Variants in MDFIC2 observed in about 807,000 individuals in gnomAD.
MDFIC2 encodes MyoD family inhibitor domain containing 2, also known as myoD family inhibitor domain-containing protein 2.
intron 1 of MDFIC2, among the ~76,000 whole-genome samples, 153 bp downstream of exon 1, chr3:70,312,398 G>T (rs1702461523): frequency 6.6e-6 from 1 of 152,174 alleles, no homozygotes; most frequent in Non-Finnish European, 1.5e-5. Context: ...GAATTTATTG[G>T]GTGGGAATAA....
chr3:70,308,030 G>GCAGCT (rs1431922948), intron 2 of MDFIC2, among the ~76,000 whole-genome samples: 2 of 152,052 alleles, frequency 1.3e-5, no homozygotes, highest in Admixed American at 1.3e-4. Flanking sequence ...TTTGCATAAT[G>GCAGCT]CAGCTCATCC....
In MDFIC2 at chr3:70,237,076, G is replaced by A. The variant is rs201308662; in HGVS notation, c.89-30286C>T. On this transcript the variant is annotated intron_variant, in intron 2 of 3. Coordinates refer to ENST00000567252, the MANE Select transcript of MDFIC2 (RefSeq NM_001364677.1). Reference sequence around the variant, plus strand: ...CTCTTTGACAAATTTATTTGGTTCCGTATTATCAGTTTGGGATAAAGCTTT... The same window carrying A: ...CTCTTTGACAAATTTATTTGGTTCCATATTATCAGTTTGGGATAAAGCTTT... 8.0e-3 allele frequency among the ~76,000 whole-genome samples: 277 copies of A among 34,482 alleles called. 1 individual carries two copies. Among genetic ancestry groups the A allele is most frequent in the African/African-American group, 0.032 (269 of 8,348 alleles). The allele number at this position is 34,482 out of a possible 152,430, so 22.6% of individuals were successfully genotyped here.
At chr3:70,284,098 A>G (rs1702116702) in intron 2 of MDFIC2, among the ~76,000 whole-genome samples, 1 of 152,112 alleles carries the variant, frequency 6.6e-6, no homozygotes, top group Non-Finnish European at 1.5e-5. Flanking sequence ...GGTTTTCATG[A>G]GTGCAACTCT....
At chr3:70,280,552 G>C (rs542001778) in intron 2 of MDFIC2, among the ~76,000 whole-genome samples, 26 of 152,266 alleles carry the variant, frequency 1.7e-4, no homozygotes, top group Admixed American at 5.9e-4. Flanking sequence ...TGTATTGAAT[G>C]TTGGGACTCA....
At chr3:70,255,545 G>C in intron 2 of MDFIC2, among the ~76,000 whole-genome samples, 1 of 152,080 alleles carries the variant, frequency 6.6e-6, no homozygotes, top group East Asian at 1.9e-4. Context: ...CCTCAGTCCT[G>C]CAGCCTCAGT....
At chr3:70,231,345 A>C (rs779770847) in intron 2 of MDFIC2, among the ~76,000 whole-genome samples, 73 of 152,162 alleles carry the variant, frequency 4.8e-4, no homozygotes, top group Non-Finnish European at 8.7e-4. Flanking sequence ...GCAGCCCGCC[A>C]TCTCTCTCTG....
At chr3:70,275,141 A>G (rs1392430388) in intron 2 of MDFIC2, among the ~76,000 whole-genome samples, 1 of 152,192 alleles carries the variant, frequency 6.6e-6, no homozygotes, top group African/African-American at 2.4e-5. Flanking sequence ...AGTTATTTAA[A>G]TATTAGAATT....
In MDFIC2 at chr3:70,196,734, G is replaced by C. The variant is rs373822964; in HGVS notation, c.*192C>G. ...AATCTTATTTTTCAGTGAGCCATGC[G>C]GTTGTGAAATTTGGAATAAGACCAT... On this transcript the variant is annotated 3_prime_UTR_variant, in exon 4 of 4. Coordinates refer to ENST00000567252, the MANE Select transcript of MDFIC2 (RefSeq NM_001364677.1). Among the ~76,000 whole-genome samples, 1 of 152,126 alleles carries C rather than the reference G, an allele frequency of 6.6e-6. No homozygotes were observed. The highest frequency in any genetic ancestry group is 1.9e-4 in the East Asian group (1 of 5,192).
intron 2 of MDFIC2, among the ~76,000 whole-genome samples, chr3:70,283,402 C>T (rs13078703): frequency 0.061 from 9,245 of 152,040 alleles, 364 homozygotes; most frequent in East Asian, 0.16. Flanking sequence ...TTCAGGCTGA[C>T]GAATACTGAA....
chr3:70,224,958 C>T (rs1229738279), intron 2 of MDFIC2, among the ~76,000 whole-genome samples: 1 of 152,078 alleles, frequency 6.6e-6, no homozygotes, highest in Non-Finnish European at 1.5e-5. Flanking sequence ...TGACTAAATA[C>T]AAGGTTTTCA....
In MDFIC2 at chr3:70,196,900, T is replaced by G. The variant is rs1444563422; in HGVS notation, c.*26A>C. The stretch of plus-strand genomic sequence containing the variant: ...AATTTCCCACCGTGGCCAAAAGGAC[T>G]GCCGGAATGTGGTTACTTCACTGTG... On this transcript the variant is annotated 3_prime_UTR_variant, in exon 4 of 4. Coordinates refer to ENST00000567252, the MANE Select transcript of MDFIC2 (RefSeq NM_001364677.1). 2.5e-6 allele frequency: 1 copy of G among 398,396 alleles called. No individual in the cohort carries two copies. Among genetic ancestry groups the G allele is most frequent in the South Asian group, 1.3e-4 (1 of 7,850 alleles). 24.7% of individuals were successfully genotyped at this position (398,396 alleles called of 1,614,324 possible).
chr3:70,290,296 C>T (rs1431087914), intron 2 of MDFIC2, among the ~76,000 whole-genome samples: 1 of 152,140 alleles, frequency 6.6e-6, no homozygotes, highest in Non-Finnish European at 1.5e-5. Flanking sequence ...CTCTGAGCTG[C>T]AGGTCTGTTG....
At position 70,268,422 on chromosome 3, in the gene MDFIC2, C is replaced by G. The variant is rs781722323; in HGVS notation, c.88+43464G>C. 2.7e-4 allele frequency among the ~76,000 whole-genome samples: 38 copies of G among 138,440 alleles called. 1 individual carries two copies. The highest frequency in any genetic ancestry group is 3.0e-4 in the Non-Finnish European group (20 of 66,738). 90.8% of individuals were successfully genotyped at this position (138,440 alleles called of 152,430 possible). A position where few individuals can be genotyped will look rare whatever the true frequency, so the allele number is the denominator to read the frequency against. On this transcript the variant is annotated intron_variant, in intron 2 of 3. Transcript: ENST00000567252. ...CCCGGGAGGCGGAGGTGGCAGTGAG[C>G]AGAGATCGCATCACTGCACTCCAGC...
chr3:70,245,194 C>A (rs567271539), intron 2 of MDFIC2, among the ~76,000 whole-genome samples: 3 of 151,748 alleles, frequency 2.0e-5, no homozygotes, highest in Non-Finnish European at 4.4e-5. Flanking sequence ...TTTCTCTTGG[C>A]GTTAAGTCTG....
chr3:70,238,433 TC>T (rs1215857337), intron 2 of MDFIC2, among the ~76,000 whole-genome samples: 1 of 151,766 alleles, frequency 6.6e-6, no homozygotes, highest in Non-Finnish European at 1.5e-5. Flanking sequence ...CATGTAGAAA[TC>T]CCATCTCTAC....
intron 2 of MDFIC2, among the ~76,000 whole-genome samples, chr3:70,298,616 G>A (rs1702314811): frequency 6.6e-6 from 1 of 152,084 alleles, no homozygotes; most frequent in South Asian, 2.1e-4. Flanking sequence ...AAATCACCAT[G>A]ACTGTGCTGA....
In MDFIC2 at chr3:70,196,876, A is replaced by G; in HGVS notation, c.*50T>C. On this transcript the variant is annotated 3_prime_UTR_variant, in exon 4 of 4. Coordinates refer to ENST00000567252, the MANE Select transcript of MDFIC2 (RefSeq NM_001364677.1). ...TGGAAATCAGTCTTGTTGTAATGGA[A>G]TTTCCCACCGTGGCCAAAAGGACTG... is the stretch of plus-strand genomic sequence containing the variant. 1 of 398,256 alleles carries G rather than the reference A, an allele frequency of 2.5e-6. No individual in the cohort carries two copies. The highest frequency in any genetic ancestry group is 4.4e-6 in the Non-Finnish European group (1 of 225,924). The allele number at this position is 398,256 out of a possible 1,614,324, so 24.7% of individuals were successfully genotyped here.
intron 3 of MDFIC2, 99 bp from the exon 4 acceptor site, chr3:70,197,284 C>G (rs1391547298): frequency 2.5e-6 from 1 of 397,468 alleles, no homozygotes; most frequent in Non-Finnish European, 4.4e-6. Context: ...ATAGCCAACT[C>G]TTAATTATTT....
chr3:70,288,027 T>A (rs1702186625), intron 2 of MDFIC2, among the ~76,000 whole-genome samples: 1 of 151,806 alleles, frequency 6.6e-6, no homozygotes, highest in Non-Finnish European at 1.5e-5. Context: ...ATTCATTAAT[T>A]TTTTGAAGGG....
Sources: gnomAD v4.1 joint callset for allele counts (sites outside exome capture counted in the v4.1 genomes callset) on GRCh38, gnomAD v4.1.1 for gene constraint, MANE v1.5 for transcripts, NCBI Gene and HGNC (gene_info 2026-07-23, HGNC 2026-07-21) for gene names.